Variants in TRIM9 observed in about 807,000 individuals in gnomAD.
The protein encoded by TRIM9 is tripartite motif containing 9.
Under a neutral mutation model 78.3 loss-of-function variants are expected in TRIM9, and 26 were observed. The ratio of observed to expected loss-of-function variants is 0.33; its 90% CI spans 0.24 to 0.46. The LOEUF (loss-of-function observed/expected upper bound fraction) is 0.46. TRIM9 is among the 20% of genes least tolerant of loss of function. The probability of loss-of-function intolerance (pLI) is 1.00; values close to 1 mark genes in which losing one functional copy is unlikely to be tolerated. For synonymous variants in TRIM9, 398 were observed against 416.5 expected (o/e 0.96, Z 0.54); for missense variants, 787 against 1,036.4 (o/e 0.76, Z 3.30).
chr14:51,003,163 T>C (rs2055310699), intron 5 of TRIM9, among the ~76,000 whole-genome samples: 1 of 152,248 alleles, frequency 6.6e-6, no homozygotes, highest in South Asian at 2.1e-4. Context: ...TTTTAACTAC[T>C]AGGGACTTTC....
intron 1 of TRIM9, among the ~76,000 whole-genome samples, chr14:51,080,422 A>G (rs1024407571): frequency 5.0e-5 from 7 of 140,410 alleles, no homozygotes; most frequent in Non-Finnish European, 7.7e-5. Context: ...AGGTGTTTCA[A>G]TTGAGTTTTA....
chr14:51,074,120 G>C (rs2062545199), intron 1 of TRIM9, among the ~76,000 whole-genome samples: 1 of 151,886 alleles, frequency 6.6e-6, no homozygotes, highest in Non-Finnish European at 1.5e-5. Context: ...CCAAACATCT[G>C]CATTTAAAAC....
chr14:50,983,421 C>G lies in TRIM9; in HGVS notation c.1793G>C (p.Gly598Ala). ...HSSLQSLNAP[G>A]CNFETQSAPY... ...TGCAGATTGTGTCTCAAAATTGCAT[C>G]CTATAAAGAGATACTACACATCAAC... Residue 598 changes from glycine to alanine, a missense_variant and splice_region_variant, in exon 9 of 13, where the codon GGA (glycine) becomes GCA (alanine). This residue lies in a region of TRIM9 where 421 missense variants were observed against 514.3 expected (regional missense o/e 0.82). Transcript: ENST00000684578. 6.5e-7 allele frequency: 1 copy of G among 1,542,186 alleles called. No individual in the cohort carries two copies. The highest frequency in any genetic ancestry group is 8.8e-7 in the Non-Finnish European group (1 of 1,142,358).
At chr14:51,051,256 G>A (rs142249958) in intron 1 of TRIM9, among the ~76,000 whole-genome samples, 18 of 152,298 alleles carry the variant, frequency 1.2e-4, no homozygotes, top group Non-Finnish European at 2.6e-4. Flanking sequence ...TGCAAGAAAG[G>A]AAGAGAACAG....
chr14:51,061,999 T>G (rs2061386725), intron 1 of TRIM9, among the ~76,000 whole-genome samples: 1 of 152,264 alleles, frequency 6.6e-6, no homozygotes, highest in Non-Finnish European at 1.5e-5. Flanking sequence ...TCTTTCCTCT[T>G]ACTGCTTCAG....
chr14:51,006,415 T>C (rs938408435), intron 5 of TRIM9, among the ~76,000 whole-genome samples: 2 of 152,220 alleles, frequency 1.3e-5, no homozygotes, highest in Non-Finnish European at 2.9e-5. Flanking sequence ...GTTGTGTATA[T>C]ATTAACAGAT....
intron 1 of TRIM9, among the ~76,000 whole-genome samples, chr14:51,055,976 C>A (rs2060867635): frequency 6.6e-6 from 1 of 152,146 alleles, no homozygotes; most frequent in African/African-American, 2.4e-5. Context: ...ATGATGCAAT[C>A]CTCTGCCACA....
chr14:50,988,140 G>A (rs918884096), intron 7 of TRIM9, among the ~76,000 whole-genome samples: 3 of 152,140 alleles, frequency 2.0e-5, no homozygotes, highest in African/African-American at 7.2e-5. Context: ...GCTTGGAAAT[G>A]TATTTTTCAC....
chr14:51,046,034 G>A (rs1477486922), intron 1 of TRIM9, among the ~76,000 whole-genome samples: 4 of 152,042 alleles, frequency 2.6e-5, no homozygotes, highest in Non-Finnish European at 5.9e-5. Flanking sequence ...AAAATATAAT[G>A]TTCGTTGGAA....
At chr14:51,087,834 C>T (rs553239624) in intron 1 of TRIM9, among the ~76,000 whole-genome samples, 1 of 152,060 alleles carries the variant, frequency 6.6e-6, no homozygotes, top group Non-Finnish European at 1.5e-5. Context: ...TTTTTGTATA[C>T]CACAGATTAA....
At chr14:51,088,062 T>C (rs899500900) in intron 1 of TRIM9, among the ~76,000 whole-genome samples, 19 of 152,214 alleles carry the variant, frequency 1.2e-4, no homozygotes, top group African/African-American at 4.6e-4. Context: ...TTTTACCTCT[T>C]TGACTTTTAA....
chr14:50,997,649 A>G, intron 7 of TRIM9: 1 of 1,073,788 alleles, frequency 9.3e-7, no homozygotes, highest in Non-Finnish European at 1.1e-6. Context: ...AGCAAGTACT[A>G]CAGAGTAATT....
chr14:50,987,771 A>G (rs920690776), intron 7 of TRIM9, among the ~76,000 whole-genome samples: 5 of 152,012 alleles, frequency 3.3e-5, no homozygotes, highest in African/African-American at 1.2e-4. Flanking sequence ...TATTTATGTC[A>G]ATAAAATATT....
chr14:51,082,927 G>C (rs1263723405), intron 1 of TRIM9, among the ~76,000 whole-genome samples: 1 of 152,122 alleles, frequency 6.6e-6, no homozygotes, highest in Non-Finnish European at 1.5e-5. Context: ...CTCTTTAAGG[G>C]GAAAGCTTGG....
chr14:51,078,837 T>C (rs2063047830), intron 1 of TRIM9, among the ~76,000 whole-genome samples: 1 of 152,176 alleles, frequency 6.6e-6, no homozygotes, highest in Non-Finnish European at 1.5e-5. Flanking sequence ...ACATGAGGAC[T>C]GTAGTTAATA....
chr14:51,058,139 G>A (rs1222171037), intron 1 of TRIM9, among the ~76,000 whole-genome samples: 1 of 152,162 alleles, frequency 6.6e-6, no homozygotes, highest in Non-Finnish European at 1.5e-5. Flanking sequence ...AAGTCCCATG[G>A]TAATCTAGCA....
chr14:50,996,706 AC>A (rs749706159), intron 7 of TRIM9: 2 of 985,324 alleles, frequency 2.0e-6, no homozygotes, highest in East Asian at 2.3e-4. Context: ...AAAAGAGGCA[AC>A]TGCTCTCAAA....
At chr14:51,092,237 G>A (rs1222200622) in intron 1 of TRIM9, among the ~76,000 whole-genome samples, 1 of 152,140 alleles carries the variant, frequency 6.6e-6, no homozygotes, top group Non-Finnish European at 1.5e-5. Context: ...TGAAAACAGT[G>A]GTGTGTGCCC....
At chr14:51,093,385 T>A (rs2064580715) in intron 1 of TRIM9, among the ~76,000 whole-genome samples, 1 of 152,230 alleles carries the variant, frequency 6.6e-6, no homozygotes, top group Non-Finnish European at 1.5e-5. Context: ...GATGCACCTG[T>A]CTGGCTTCCA....
Sources: allele counts gnomAD v4.1 joint callset (sites outside exome capture counted in the v4.1 genomes callset), GRCh38; gene constraint gnomAD v4.1.1; regional missense constraint gnomAD v4.1.1; transcripts MANE v1.5; gene names NCBI Gene and HGNC (gene_info 2026-07-23, HGNC 2026-07-21).